Variants in SGCZ observed in about 807,000 individuals in gnomAD.
The protein encoded by SGCZ is sarcoglycan zeta, also known as zeta-sarcoglycan.
SGCZ carries 40 observed loss-of-function variants against 41.3 expected under a neutral mutation model. That is an observed-to-expected ratio of 0.97 (90% CI 0.75 to 1.26). The LOEUF (loss-of-function observed/expected upper bound fraction) is 1.26. Ranked by LOEUF, SGCZ falls within the 50% of genes most tolerant of loss-of-function variation. The pLI, the probability that SGCZ is intolerant of heterozygous loss-of-function variation, is 0.00. For synonymous variants in SGCZ, 206 were observed against 137.5 expected (o/e 1.50, Z -3.49); for missense variants, 552 against 369.8 (o/e 1.49, Z -4.04).
chr8:14,105,265 G>T (rs6530724), intron 6 of SGCZ, among the ~76,000 whole-genome samples: 149,244 of 152,220 alleles, frequency 0.98, 73,217 homozygotes, highest in East Asian at 1. Context: ...TCATCAAACA[G>T]CTGCTGAATA....
At chr8:14,149,823 A>G (rs1415077425) in intron 5 of SGCZ, among the ~76,000 whole-genome samples, 1 of 152,146 alleles carries the variant, frequency 6.6e-6, no homozygotes, top group Non-Finnish European at 1.5e-5. Flanking sequence ...TCTCATAAAA[A>G]CAGACACATA....
At chr8:14,474,175 A>G (rs1158992712) in intron 2 of SGCZ, among the ~76,000 whole-genome samples, 1 of 152,172 alleles carries the variant, frequency 6.6e-6, no homozygotes, top group African/African-American at 2.4e-5. Context: ...CTAAATAAAC[A>G]AACCATTTTT....
At chr8:14,595,588 A>G (rs10453158) in intron 1 of SGCZ, among the ~76,000 whole-genome samples, 145,527 of 152,268 alleles carry the variant, frequency 0.96, 69,617 homozygotes, top group South Asian at 0.99. Context: ...GCAGCTGGCT[A>G]ACCTTGAACT....
intron 2 of SGCZ, among the ~76,000 whole-genome samples, chr8:14,442,314 G>T (rs906138639): frequency 3.3e-5 from 5 of 152,232 alleles, no homozygotes; most frequent in Non-Finnish European, 5.9e-5. Context: ...TTATAAAAGG[G>T]AGTTCCCTTG....
chr8:14,308,107 T>A (rs1195620181), intron 3 of SGCZ, among the ~76,000 whole-genome samples: 1 of 152,092 alleles, frequency 6.6e-6, no homozygotes, highest in Non-Finnish European at 1.5e-5. Flanking sequence ...ACTTGCTATT[T>A]CAAAGCAAGT....
chr8:14,597,688 G>C (rs1210718558), intron 1 of SGCZ, among the ~76,000 whole-genome samples: 1 of 152,088 alleles, frequency 6.6e-6, no homozygotes, highest in African/African-American at 2.4e-5. Flanking sequence ...TGTTGGCCAG[G>C]CTGGTCTCGA....
At chr8:15,163,557 T>C (rs1467512418) in intron 1 of SGCZ, among the ~76,000 whole-genome samples, 1 of 152,226 alleles carries the variant, frequency 6.6e-6, no homozygotes, top group Non-Finnish European at 1.5e-5. Context: ...AATAAAAATA[T>C]ATGATTTTAC....
At chr8:14,616,211 A>C (rs542579146) in intron 1 of SGCZ, among the ~76,000 whole-genome samples, 109 of 151,878 alleles carry the variant, frequency 7.2e-4, no homozygotes, top group African/African-American at 2.5e-3. Context: ...TGAACCCAGG[A>C]GGCGGAACTT....
chr8:14,483,556 G>C (rs1801592053), intron 2 of SGCZ, among the ~76,000 whole-genome samples: 1 of 152,290 alleles, frequency 6.6e-6, no homozygotes, highest in African/African-American at 2.4e-5. Flanking sequence ...AGGCAACAGA[G>C]TGACACCCTG....
intron 1 of SGCZ, among the ~76,000 whole-genome samples, chr8:14,833,380 C>G (rs1802595020): frequency 6.6e-6 from 1 of 152,102 alleles, no homozygotes; most frequent in South Asian, 2.1e-4. Flanking sequence ...CCCAGAGAAG[C>G]CAAACATACA....
chr8:14,235,925 C>T (rs1015422402), intron 4 of SGCZ, among the ~76,000 whole-genome samples: 1 of 152,098 alleles, frequency 6.6e-6, no homozygotes, highest in Non-Finnish European at 1.5e-5. Flanking sequence ...CCTCATGATC[C>T]GCCCGCCTTG....
chr8:14,884,800 A>C (rs1804727913), intron 1 of SGCZ, among the ~76,000 whole-genome samples: 1 of 152,140 alleles, frequency 6.6e-6, no homozygotes, highest in African/African-American at 2.4e-5. Flanking sequence ...ATCTAATATT[A>C]AAAGAAAGCT....
At chr8:15,013,006 T>C (rs146580801) in intron 1 of SGCZ, among the ~76,000 whole-genome samples, 3 of 152,092 alleles carry the variant, frequency 2.0e-5, no homozygotes, top group Non-Finnish European at 4.4e-5. Flanking sequence ...TTCTGTAGTA[T>C]GGTGTCTGGT....
At chr8:15,066,935 T>C (rs1389534575) in intron 1 of SGCZ, among the ~76,000 whole-genome samples, 1 of 152,210 alleles carries the variant, frequency 6.6e-6, no homozygotes, top group Non-Finnish European at 1.5e-5. Flanking sequence ...AATACCTTTA[T>C]ACATATCATC....
chr8:14,178,766 G>T (rs1055505703), intron 4 of SGCZ, among the ~76,000 whole-genome samples: 1 of 152,198 alleles, frequency 6.6e-6, no homozygotes, highest in South Asian at 2.1e-4. Context: ...GAATAATACA[G>T]ATAAACTGTT....
rs78231833 is a variant in SGCZ at position 14,661,652 on chromosome 8, T to G, written c.40-106726A>C. ...ATTTCTGGCTAAGGACAGTGGGAAT[T>G]CAGAGCTCTGAAATCACAACCCAGG... On this transcript the variant is annotated intron_variant, in intron 1 of 7. Coordinates refer to ENST00000382080, the MANE Select transcript of SGCZ (RefSeq NM_139167.4). Among the ~76,000 whole-genome samples the G allele has an allele frequency of 6.7e-3, 1,013 of 152,250 alleles. 8 individuals are homozygous for G. Among genetic ancestry groups the G allele is most frequent in the African/African-American group, 0.023 (955 of 41,564 alleles).
chr8:15,223,113 C>A (rs528448270), intron 1 of SGCZ, among the ~76,000 whole-genome samples: 1 of 152,054 alleles, frequency 6.6e-6, no homozygotes, highest in Non-Finnish European at 1.5e-5. Flanking sequence ...TTAAAGCATA[C>A]CTTATGATGC....
intron 2 of SGCZ, among the ~76,000 whole-genome samples, chr8:14,413,600 T>C (rs1463570195): frequency 6.6e-6 from 1 of 152,050 alleles, no homozygotes; most frequent in African/African-American, 2.4e-5. Flanking sequence ...GTTTTTGAAA[T>C]ATATGCTGAT....
intron 3 of SGCZ, among the ~76,000 whole-genome samples, chr8:14,254,801 G>A (rs960941740): frequency 2.0e-5 from 3 of 151,896 alleles, no homozygotes; most frequent in African/African-American, 4.8e-5. Flanking sequence ...TATTCTAAAT[G>A]TGAGTGATCA....
Sources: allele counts gnomAD v4.1 joint callset (sites outside exome capture counted in the v4.1 genomes callset), GRCh38; gene constraint gnomAD v4.1.1; transcripts MANE v1.5; gene names NCBI Gene and HGNC (gene_info 2026-07-23, HGNC 2026-07-21).